Variants in EPB41L2 observed in about 807,000 individuals in gnomAD.
The protein encoded by EPB41L2 is band 4.1-like protein 2.
Under a neutral mutation model 113.0 loss-of-function variants are expected in EPB41L2, and 43 were observed. The ratio of observed to expected loss-of-function variants is 0.38; its 90% CI spans 0.30 to 0.49. EPB41L2 has a LOEUF of 0.49. EPB41L2 is among the 20% of genes least tolerant of loss of function. The probability of loss-of-function intolerance (pLI) is 0.95; values close to 1 mark genes in which losing one functional copy is unlikely to be tolerated. For missense variants in EPB41L2, 1,147 were observed against 1,223.4 expected, an observed-to-expected ratio of 0.94 and a Z score of 0.93; for synonymous variants, 442 against 436.7, an observed-to-expected ratio of 1.01 and a Z score of -0.15.
chr6:130,934,812 T>C (rs866027732), intron 3 of EPB41L2, among the ~76,000 whole-genome samples: 2 of 140,568 alleles, frequency 1.4e-5, no homozygotes, highest in African/African-American at 2.8e-5. Context: ...TTTTTTTTTT[T>C]GTAACTGAAA....
chr6:130,869,746 GATTAC>G lies in EPB41L2; in HGVS notation c.2419_2423del (p.Val807HisfsTer27). ...TTTCCTGGATCACTGTTTCTACTGT[GATTAC>G]ACTGGCACCTGCTTGTGTGACTGGG... On this transcript the variant is annotated frameshift_variant, in exon 15 of 20. Coordinates refer to ENST00000337057, the MANE Select transcript of EPB41L2 (RefSeq NM_001431.4). LOFTEE classifies it high-confidence loss of function. The G allele has an allele frequency of 6.2e-7, 1 of 1,614,140 alleles. No homozygotes were observed. The highest frequency in any genetic ancestry group is 8.5e-7 in the Non-Finnish European group (1 of 1,180,030).
rs769651939 is a variant in EPB41L2 at position 130,955,208 on chromosome 6, T to G, written c.602A>C (p.Glu201Ala). 17 of 1,614,192 alleles carry G rather than the reference T, an allele frequency of 1.1e-5. No individual in the cohort carries two copies. The East Asian group carries it at 2.9e-4, about 28-fold the overall frequency. ...TTGAGATGCCTTCTCTGCTTTCAGC[T>G]CATTGGTCTGCACTTCCTTGGTCTC... The part of the protein sequence containing the change: ...KRETKEVQTN[E>A]LKAEKASQKV... Residue 201 changes from glutamate to alanine, a missense_variant, in exon 3 of 20, where the codon GAG (glutamate) becomes GCG (alanine). Transcript: ENST00000337057.
chr6:131,006,153 T>C lies in EPB41L2; in HGVS notation c.-14-49654A>G, dbSNP rs1304459684. ...CTCACTGCAACCTCTGCCTCCCAGG[T>C]TCAAGCGATTCTCATGCCTCAGCCT... On this transcript the variant is annotated intron_variant, in intron 1 of 19. Transcript: ENST00000337057. 2.6e-5 allele frequency among the ~76,000 whole-genome samples: 4 copies of C among 151,592 alleles called. No homozygotes were observed. In the East Asian group the frequency reaches 7.9e-4, roughly 30 times the overall value.
chr6:131,023,747 C>A (rs9321270), intron 1 of EPB41L2, among the ~76,000 whole-genome samples: 69,319 of 122,690 alleles, frequency 0.56, 17,265 homozygotes, highest in Non-Finnish European at 0.59. Flanking sequence ...ATCTATATAT[C>A]TATATATAGA....
At chr6:130,923,677 TA>T (rs1359799384) in intron 4 of EPB41L2, among the ~76,000 whole-genome samples, 1 of 152,166 alleles carries the variant, frequency 6.6e-6, no homozygotes, top group Non-Finnish European at 1.5e-5. Flanking sequence ...CAAAATTCAC[TA>T]ACTGCAGAAT....
chr6:130,936,923 C>T (rs1809011010), intron 3 of EPB41L2, among the ~76,000 whole-genome samples: 1 of 152,206 alleles, frequency 6.6e-6, no homozygotes, highest in South Asian at 2.1e-4. Flanking sequence ...CGGCATCAGA[C>T]CCGCTGAATT....
At chr6:130,868,284 C>T (rs1784552820) in intron 15 of EPB41L2, 1 of 152,336 alleles carries the variant, frequency 6.6e-6, no homozygotes, top group East Asian at 1.9e-4. Flanking sequence ...AGTGTTTCTT[C>T]TGTATTACCT....
intron 14 of EPB41L2, among the ~76,000 whole-genome samples, chr6:130,876,097 C>T (rs1787481856): frequency 6.6e-6 from 1 of 152,098 alleles, no homozygotes; most frequent in Non-Finnish European, 1.5e-5. Context: ...GACTGACCAC[C>T]TGGCTAAGTA....
chr6:130,902,913 A>C (rs139549515), intron 6 of EPB41L2, among the ~76,000 whole-genome samples: 6 of 152,290 alleles, frequency 3.9e-5, no homozygotes, highest in Admixed American at 1.3e-4. Flanking sequence ...CCTTCTCAGA[A>C]GCCTACCCCA....
At chr6:131,044,178 T>A (rs1483273060) in intron 1 of EPB41L2, among the ~76,000 whole-genome samples, 1 of 151,900 alleles carries the variant, frequency 6.6e-6, no homozygotes, top group Non-Finnish European at 1.5e-5. Context: ...CTGGTCACCA[T>A]GCCTAACTAA....
intron 1 of EPB41L2, among the ~76,000 whole-genome samples, chr6:130,969,231 G>A (rs962526197): frequency 6.6e-6 from 1 of 151,812 alleles, no homozygotes; most frequent in African/African-American, 2.4e-5. Context: ...AAAAAAAATG[G>A]AAAACTTAAA....
intron 14 of EPB41L2, among the ~76,000 whole-genome samples, chr6:130,874,935 G>A (rs761641819): frequency 4.6e-5 from 7 of 152,154 alleles, no homozygotes; most frequent in Non-Finnish European, 1.0e-4. Flanking sequence ...GCTTCTGAAG[G>A]ACAGGTTATG....
At chr6:131,014,357 C>T (rs1787713893) in intron 1 of EPB41L2, among the ~76,000 whole-genome samples, 1 of 152,092 alleles carries the variant, frequency 6.6e-6, no homozygotes, top group South Asian at 2.1e-4. Context: ...TTAAAGATGA[C>T]CCTTTAAAAA....
At chr6:130,849,332 A>C (rs1011245816) in intron 19 of EPB41L2, among the ~76,000 whole-genome samples, 15 of 152,230 alleles carry the variant, frequency 9.9e-5, no homozygotes, top group Non-Finnish European at 2.9e-5. Context: ...GCCAAAACAA[A>C]AAACAAAACT....
In EPB41L2 at chr6:130,956,388, T is replaced by G. The variant is rs374236563; in HGVS notation, c.98A>C (p.Asn33Thr). The G allele has an allele frequency of 2.5e-6, 4 of 1,614,064 alleles. No individual in the cohort carries two copies. Among genetic ancestry groups the G allele is most frequent in the Non-Finnish European group, 3.4e-6 (4 of 1,180,038 alleles). Residue 33 changes from asparagine to threonine, a missense_variant, in exon 2 of 20, where the codon AAT (asparagine) becomes ACT (threonine). Transcript: ENST00000337057. ...TGGATCGGAAGACTGATTCTGCTGA[T>G]TTTCTGCTACTTCTTTAGGTTTTTC... ...TKEKPKEVAE[N>T]QQNQSSDPEE...
chr6:130,879,147 G>A (rs1246108545), intron 13 of EPB41L2, among the ~76,000 whole-genome samples: 1 of 152,096 alleles, frequency 6.6e-6, no homozygotes, highest in African/African-American at 2.4e-5. Flanking sequence ...GTGGATTATA[G>A]CTTTCATCCC....
chr6:130,882,550 C>T (rs1305603189), intron 12 of EPB41L2: 1 of 152,650 alleles, frequency 6.6e-6, no homozygotes. Context: ...GCTTGTCATT[C>T]AAGTCACAGT....
intron 17 of EPB41L2, 86 bp downstream of exon 17, chr6:130,865,450 G>T (rs545493319): frequency 1.5e-6 from 2 of 1,291,962 alleles, no homozygotes; most frequent in East Asian, 2.4e-5. Context: ...TTACTTGGAA[G>T]TGTGTACAGG....
chr6:130,853,268 T>C (rs1322248368), intron 19 of EPB41L2, among the ~76,000 whole-genome samples: 1 of 152,126 alleles, frequency 6.6e-6, no homozygotes. Flanking sequence ...TTACCTGACA[T>C]CAATTATTAC....
Sources: allele counts gnomAD v4.1 joint callset (sites outside exome capture counted in the v4.1 genomes callset), GRCh38; gene constraint gnomAD v4.1.1; transcripts MANE v1.5; gene names NCBI Gene and HGNC (gene_info 2026-07-23, HGNC 2026-07-21).